The following TRMT9B variants were observed in gnomAD, a reference collection of about 807,000 sequenced individuals.
TRMT9B encodes the protein tRNA methyltransferase 9B (putative).
In TRMT9B, 16 loss-of-function variants were observed where a neutral mutation model predicts 11.5. That is an observed-to-expected ratio of 1.39 (90% CI 0.94 to 2.11). TRMT9B has a LOEUF of 2.11. TRMT9B is among the 30% of genes most tolerant of loss of function. The pLI, the probability that TRMT9B is intolerant of heterozygous loss-of-function variation, is 0.00. For missense variants in TRMT9B, 941 were observed against 553.8 expected, an observed-to-expected ratio of 1.70 and a Z score of -7.02; for synonymous variants, 274 against 192.4, an observed-to-expected ratio of 1.42 and a Z score of -3.51.
At chr8:12,956,454 C>A (rs1384534646) in intron 1 of TRMT9B, among the ~76,000 whole-genome samples, 1 of 152,150 alleles carries the variant, frequency 6.6e-6, no homozygotes, top group Admixed American at 6.5e-5. Context: ...CTAAAAATTA[C>A]CAAGCGCCTG....
rs9657262 is a variant in TRMT9B, at chr8:13,004,387, C to T, written c.-1-1815C>T. 7.7e-3 allele frequency among the ~76,000 whole-genome samples: 1,166 copies of T among 151,812 alleles called. 18 individuals are homozygous for T. The highest frequency in any genetic ancestry group is 0.027 in the African/African-American group (1,112 of 41,398). The stretch of plus-strand genomic sequence containing the variant: ...CCCGCTCCCAACCCAGGCTGCACAG[C>T]TCCTGGCTCCAAAAGAGCCCTTCCT... On this transcript the variant is annotated intron_variant, in intron 2 of 4. Transcript: ENST00000524591.
intron 4 of TRMT9B, 99 bp downstream of exon 4, chr8:13,012,956 C>G: frequency 7.6e-7 from 1 of 1,324,154 alleles, no homozygotes; most frequent in Non-Finnish European, 9.8e-7. Context: ...GTAGAAATGT[C>G]AATGTAATTT....
chr8:13,009,121 G>A (rs2128892552), intron 3 of TRMT9B, among the ~76,000 whole-genome samples: 1 of 152,272 alleles, frequency 6.6e-6, no homozygotes, highest in East Asian at 1.9e-4. Flanking sequence ...GAACCTGGAA[G>A]ATATTATGCT....
intron 1 of TRMT9B, among the ~76,000 whole-genome samples, chr8:12,970,635 A>C (rs1430066556): frequency 6.6e-6 from 1 of 152,246 alleles, no homozygotes; most frequent in Non-Finnish European, 1.5e-5. Flanking sequence ...TGCAGCTGTC[A>C]ATATTAATAC....
chr8:13,022,020 A>G lies in TRMT9B; in HGVS notation c.1341A>G (p.Ala447=), dbSNP rs1314637430. 6.3e-7 allele frequency: 1 copy of G among 1,596,362 alleles called. No homozygotes were observed. ...ATCATGGTAACTGGTGTATCATTGC[A>G]GAGAAAAAGAGAGGTTGTGATTGAT... is the stretch of plus-strand genomic sequence containing the variant. ...GNDHGNWCII[A]EKKRGCD is the part of the protein sequence containing the mutation. Residue 447 remains alanine (A), a synonymous_variant, in exon 5 of 5, where the codon GCA becomes GCG. Coordinates refer to ENST00000524591, the MANE Select transcript of TRMT9B (RefSeq NM_020844.3).
intron 1 of TRMT9B, among the ~76,000 whole-genome samples, chr8:12,977,873 A>G (rs796215005): frequency 6.6e-5 from 10 of 151,972 alleles, no homozygotes; most frequent in African/African-American, 2.4e-4. Flanking sequence ...AAAAAAATAC[A>G]AAAACATTAG....
intron 1 of TRMT9B, among the ~76,000 whole-genome samples, chr8:12,971,048 A>G (rs1474676813): frequency 2.0e-5 from 3 of 152,194 alleles, no homozygotes; most frequent in Non-Finnish European, 4.4e-5. Flanking sequence ...ATTTTGACAC[A>G]TGTATACAAT....
intron 1 of TRMT9B, among the ~76,000 whole-genome samples, chr8:12,972,347 C>G (rs1199674418): frequency 2.0e-5 from 3 of 152,154 alleles, no homozygotes; most frequent in African/African-American, 7.2e-5. Context: ...AGGAGAGTCC[C>G]TGAGGAGTTG....
intron 1 of TRMT9B, among the ~76,000 whole-genome samples, chr8:12,950,416 A>G (rs1800505505): frequency 6.6e-6 from 1 of 152,204 alleles, no homozygotes; most frequent in Admixed American, 6.5e-5. Flanking sequence ...AGTATCCAAT[A>G]CGTCTTCTGT....
intron 2 of TRMT9B, among the ~76,000 whole-genome samples, chr8:13,000,341 A>G (rs151325455): frequency 1.1e-3 from 167 of 152,358 alleles, no homozygotes; most frequent in Middle Eastern, 3.4e-3. Flanking sequence ...CCCTGTTGCT[A>G]GTAGCAGGAA....
intron 1 of TRMT9B, among the ~76,000 whole-genome samples, chr8:12,954,696 C>T (rs1347880289): frequency 6.6e-6 from 1 of 152,172 alleles, no homozygotes; most frequent in Non-Finnish European, 1.5e-5. Flanking sequence ...GCCAAATGGC[C>T]ATTTAAATGT....
intron 2 of TRMT9B, among the ~76,000 whole-genome samples, chr8:12,999,872 C>T (rs1041144468): frequency 2.6e-5 from 4 of 152,038 alleles, no homozygotes; most frequent in Admixed American, 1.3e-4. Context: ...CAAAACTGTC[C>T]GGTTTTCTCT....
rs1814370813 is a variant in TRMT9B at position 13,024,057 on chromosome 8, T to TTC, written c.*2014_*2015insCT. The TTC allele has an allele frequency of 6.5e-6, 1 of 153,828 alleles. No individual in the cohort carries two copies. The highest frequency in any genetic ancestry group is 1.5e-5 in the Non-Finnish European group (1 of 66,728). 9.5% of individuals were successfully genotyped at this position (153,828 alleles called of 1,614,324 possible). A position where few individuals can be genotyped will look rare whatever the true frequency, so the allele number is the denominator to read the frequency against. ...CTTCTATTTCTTTTTTTTTTTTTTT[T>TTC]TTTTGAGACAGAGTCTCGCTCTGTC... On this transcript the variant is annotated 3_prime_UTR_variant, in exon 5 of 5. Transcript: ENST00000524591.
At chr8:12,997,198 G>T (rs1206408170) in intron 2 of TRMT9B, among the ~76,000 whole-genome samples, 1 of 151,982 alleles carries the variant, frequency 6.6e-6, no homozygotes, top group African/African-American at 2.4e-5. Flanking sequence ...GGACTATTGG[G>T]ATGTGTTCGG....
intron 3 of TRMT9B, among the ~76,000 whole-genome samples, chr8:13,008,450 C>G (rs982408993): frequency 6.6e-6 from 1 of 152,168 alleles, no homozygotes; most frequent in African/African-American, 2.4e-5. Flanking sequence ...TCTCAGATGA[C>G]TCAAATATTT....
At chr8:12,991,268 TG>T (rs1243222009) in intron 2 of TRMT9B, among the ~76,000 whole-genome samples, 4 of 152,228 alleles carry the variant, frequency 2.6e-5, no homozygotes, top group Non-Finnish European at 5.9e-5. Context: ...AAAATACTTT[TG>T]TAGGACTTAA....
At chr8:12,981,323 C>T (rs1431065049) in intron 1 of TRMT9B, among the ~76,000 whole-genome samples, 1 of 152,196 alleles carries the variant, frequency 6.6e-6, no homozygotes, top group Non-Finnish European at 1.5e-5. Flanking sequence ...TCAAATGGTG[C>T]TGGCAGAGCA....
At chr8:12,962,720 A>G (rs1802294422) in intron 1 of TRMT9B, among the ~76,000 whole-genome samples, 1 of 152,106 alleles carries the variant, frequency 6.6e-6, no homozygotes, top group Non-Finnish European at 1.5e-5. Context: ...GGAACTCCTG[A>G]GCTCAAGTGA....
intron 4 of TRMT9B, among the ~76,000 whole-genome samples, chr8:13,013,445 G>C (rs1016594083): frequency 6.6e-6 from 1 of 152,094 alleles, no homozygotes; most frequent in Non-Finnish European, 1.5e-5. Flanking sequence ...CTCCCAACAA[G>C]TGTGACCAGA....
Sources: gnomAD v4.1 joint callset for allele counts (sites outside exome capture counted in the v4.1 genomes callset) on GRCh38, gnomAD v4.1.1 for gene constraint, MANE v1.5 for transcripts, NCBI Gene and HGNC (gene_info 2026-07-23, HGNC 2026-07-21) for gene names.